The following CXCL13 variants were observed in gnomAD, a reference collection of about 807,000 sequenced individuals.
CXCL13 encodes C-X-C motif chemokine 13.
In CXCL13, 7 loss-of-function variants were observed where a neutral mutation model predicts 12.2. That is an observed-to-expected ratio of 0.57 (90% CI 0.33 to 1.07). The LOEUF (loss-of-function observed/expected upper bound fraction) is 1.07, where lower values mean the gene tolerates loss of function less well. Ranked by LOEUF, CXCL13 falls within the 50% of genes least tolerant of loss-of-function variation. The pLI, the probability that CXCL13 is intolerant of heterozygous loss-of-function variation, is 0.04. For synonymous variants in CXCL13, 47 were observed against 42.4 expected (o/e 1.11, Z -0.42); for missense variants, 113 against 127.4 (o/e 0.89, Z 0.55).
intron 1 of CXCL13, among the ~76,000 whole-genome samples, chr4:77,551,834 A>G (rs553943012): frequency 6.6e-6 from 1 of 152,324 alleles, no homozygotes; most frequent in Admixed American, 6.5e-5. Flanking sequence ...TCAAAAGACT[A>G]GTCTTCAAGC....
intron 1 of CXCL13, among the ~76,000 whole-genome samples, chr4:77,521,872 A>T (rs1724609490): frequency 6.6e-6 from 1 of 152,058 alleles, no homozygotes; most frequent in African/African-American, 2.4e-5. Flanking sequence ...TCCTCTACAC[A>T]CTGCTTTAAA....
chr4:77,527,701 C>T (rs1037637142), intron 1 of CXCL13, among the ~76,000 whole-genome samples: 27 of 151,852 alleles, frequency 1.8e-4, no homozygotes, highest in South Asian at 2.1e-4. Flanking sequence ...AGTGAACGTG[C>T]TTTAGATAAC....
intron 1 of CXCL13, among the ~76,000 whole-genome samples, chr4:77,593,251 G>A (rs868723479): frequency 2.6e-5 from 4 of 152,182 alleles, no homozygotes; most frequent in African/African-American, 4.8e-5. Context: ...CTGACAAAAC[G>A]AAACTGTTTC....
intron 1 of CXCL13, among the ~76,000 whole-genome samples, chr4:77,588,461 A>C (rs1726532544): frequency 6.6e-6 from 1 of 152,196 alleles, no homozygotes; most frequent in Admixed American, 6.5e-5. Context: ...TGCTGCCTTC[A>C]TATCTGTGTC....
At chr4:77,528,465 C>T (rs1487232272) in intron 1 of CXCL13, among the ~76,000 whole-genome samples, 1 of 152,148 alleles carries the variant, frequency 6.6e-6, no homozygotes, top group Non-Finnish European at 1.5e-5. Context: ...TTAATGATTG[C>T]CATTCTAAGT....
At chr4:77,538,856 G>A (rs554656843) in intron 1 of CXCL13, among the ~76,000 whole-genome samples, 11 of 152,278 alleles carry the variant, frequency 7.2e-5, no homozygotes, top group African/African-American at 2.6e-4. Flanking sequence ...GTTATCGGCA[G>A]CCAATCCATT....
intron 1 of CXCL13, among the ~76,000 whole-genome samples, chr4:77,593,802 C>T (rs1291043583): frequency 1.3e-5 from 2 of 152,116 alleles, no homozygotes; most frequent in Admixed American, 1.3e-4. Context: ...GTGGTATCAC[C>T]AGTTGGGCAA....
At chr4:77,544,590 G>A (rs1443473233) in intron 1 of CXCL13, among the ~76,000 whole-genome samples, 12 of 152,128 alleles carry the variant, frequency 7.9e-5, no homozygotes, top group Admixed American at 7.2e-4. Flanking sequence ...TTTTGATGGG[G>A]TTGTTTGATT....
At chr4:77,514,229 A>AAG (rs1724350228) in intron 1 of CXCL13, among the ~76,000 whole-genome samples, 1 of 152,022 alleles carries the variant, frequency 6.6e-6, no homozygotes, top group African/African-American at 2.4e-5. Flanking sequence ...GGTTGGTTCC[A>AAG]AGTCTTTGCT....
chr4:77,548,525 C>G (rs976621458), intron 1 of CXCL13, among the ~76,000 whole-genome samples: 3 of 152,140 alleles, frequency 2.0e-5, no homozygotes, highest in Admixed American at 6.6e-5. Flanking sequence ...TATCATTTAC[C>G]CTTTTGAGCA....
intron 1 of CXCL13, among the ~76,000 whole-genome samples, chr4:77,578,717 T>C (rs1446495658): frequency 1.3e-5 from 2 of 152,140 alleles, no homozygotes; most frequent in African/African-American, 4.8e-5. Flanking sequence ...CACCCTTCAA[T>C]GTGTCCATGT....
chr4:77,597,324 CA>C (rs1405004410), intron 1 of CXCL13, among the ~76,000 whole-genome samples: 1 of 151,890 alleles, frequency 6.6e-6, no homozygotes, highest in Non-Finnish European at 1.5e-5. Context: ...CCCCTGGGGG[CA>C]AAAGGAATGC....
At chr4:77,603,859 C>G (rs1187034449), upstream of CXCL13, among the ~76,000 whole-genome samples, 1 of 152,204 alleles carries the variant, frequency 6.6e-6, no homozygotes. Context: ...GCCGAACCCT[C>G]TACATATACC....
intron 1 of CXCL13, among the ~76,000 whole-genome samples, chr4:77,531,489 G>T (rs995392726): frequency 2.0e-5 from 3 of 151,962 alleles, no homozygotes; most frequent in Admixed American, 2.0e-4. Context: ...TTTGGAATAG[G>T]TGTGGTGTGA....
chr4:77,550,199 G>T (rs935604172), intron 1 of CXCL13, among the ~76,000 whole-genome samples: 3 of 152,214 alleles, frequency 2.0e-5, no homozygotes, highest in Admixed American at 6.5e-5. Context: ...CCATTGGAAA[G>T]GCATGTTATT....
chr4:77,610,031 G>A (rs1253006285), intron 2 of CXCL13, among the ~76,000 whole-genome samples: 3 of 152,202 alleles, frequency 2.0e-5, no homozygotes, highest in African/African-American at 4.8e-5. Flanking sequence ...ATAAATATTA[G>A]CTATTAATTA....
chr4:77,568,629 T>C (rs1301025735), intron 1 of CXCL13, among the ~76,000 whole-genome samples: 1 of 152,166 alleles, frequency 6.6e-6, no homozygotes, highest in African/African-American at 2.4e-5. Flanking sequence ...GTCTCGTGCC[T>C]CTGGTGTTTG....
At chr4:77,598,443 C>A (rs1288215477) in intron 1 of CXCL13, among the ~76,000 whole-genome samples, 1 of 152,188 alleles carries the variant, frequency 6.6e-6, no homozygotes, top group Non-Finnish European at 1.5e-5. Flanking sequence ...AAGTATAGAA[C>A]AACCAGACTA....
chr4:77,602,455 C>T (rs776940941), upstream of CXCL13, among the ~76,000 whole-genome samples: 1 of 152,108 alleles, frequency 6.6e-6, no homozygotes, highest in Non-Finnish European at 1.5e-5. Context: ...TATGTTAGAC[C>T]AGGCCCATGC....
Sources: gnomAD v4.1 joint callset for allele counts (sites outside exome capture counted in the v4.1 genomes callset) on GRCh38, gnomAD v4.1.1 for gene constraint, MANE v1.5 for transcripts, NCBI Gene and HGNC (gene_info 2026-07-23, HGNC 2026-07-21) for gene names.